The following HSP90AA1 variants were observed in gnomAD, a reference collection of about 807,000 sequenced individuals.
HSP90AA1 encodes the protein heat shock protein HSP 90-alpha.
A neutral mutation model predicts 73.3 loss-of-function variants in HSP90AA1; 18 were observed. That is an observed-to-expected ratio of 0.25 (90% CI 0.17 to 0.36). The LOEUF is 0.36. Among genes scored for constraint, HSP90AA1 ranks in the 10% least tolerant of loss-of-function variants. HSP90AA1 has a pLI of 1.00. For synonymous variants in HSP90AA1, 477 were observed against 296.9 expected, an observed-to-expected ratio of 1.61 and a Z score of -6.24; for missense variants, 704 against 874.2, an observed-to-expected ratio of 0.81 and a Z score of 2.45.
chr14:102,085,477 G>A, intron 3 of HSP90AA1, 46 bp from the exon 4 acceptor site: 1 of 1,535,718 alleles, frequency 6.5e-7, no homozygotes, highest in Non-Finnish European at 9.0e-7. Flanking sequence ...TCAATTTAGT[G>A]CTCAACGCCA....
chr14:102,132,423 T>G (rs1042112757), intron 1 of HSP90AA1, among the ~76,000 whole-genome samples: 1 of 152,262 alleles, frequency 6.6e-6, no homozygotes, highest in Non-Finnish European at 1.5e-5. Flanking sequence ...GGTACGTTCC[T>G]GTAGTCCCAG....
chr14:102,118,854 CTTTT>C (rs11298881), intron 1 of HSP90AA1, among the ~76,000 whole-genome samples: 9 of 107,114 alleles, frequency 8.4e-5, no homozygotes, highest in Admixed American at 2.0e-4. Context: ...CTTTTCCTTC[CTTTT>C]TTTTTTTTTT....
At chr14:102,139,581 G>A in exon 1 of HSP90AA1, 2 of 719,206 alleles carry the variant, frequency 2.8e-6, no homozygotes, top group Non-Finnish European at 4.5e-6. Flanking sequence ...GGTTCCCCCT[G>A]ACCGGCTTTC....
rs544933619 is a variant in HSP90AA1 at position 102,081,264 on chromosome 14, G to C, written c.*448C>G. ...GTTGCTTCAGTTTAACCTATTTCTA[G>C]AGGACTAGTACATGCAGAATTGTCA... On this transcript the variant is annotated 3_prime_UTR_variant, in exon 11 of 11. Transcript: ENST00000216281. 3.2e-4 allele frequency: 81 copies of C among 252,832 alleles called. 1 individual carries two copies. Among genetic ancestry groups the C allele is most frequent in the African/African-American group, 1.7e-3 (76 of 45,492 alleles). 15.7% of individuals were successfully genotyped at this position (252,832 alleles called of 1,614,324 possible).
Position 102,084,802 on chromosome 14 carries a change from T to C in HSP90AA1, c.860A>G (p.Gln287Arg), listed in dbSNP as rs573443558. ...GGGCTTTGTTTTGTTGAGCTCTTCT[T>C]GATCGATGTACTTTTCCTTAATCTT... Reference protein sequence around the residue: ...KKKIKEKYIDQEELNKTKPIW... With the variant: ...KKKIKEKYIDREELNKTKPIW... Residue 287 changes from glutamine (Q) to arginine (R), a missense_variant, in exon 5 of 11, where the codon CAA becomes CGA. Transcript: ENST00000216281. The C allele has an allele frequency of 5.6e-6, 9 of 1,613,878 alleles. No individual in the cohort carries two copies. The East Asian group carries it at 1.8e-4, about 32-fold the overall frequency.
intron 1 of HSP90AA1, among the ~76,000 whole-genome samples, chr14:102,131,432 C>T (rs537444119): frequency 6.6e-6 from 1 of 152,204 alleles, no homozygotes; most frequent in Non-Finnish European, 1.5e-5. Flanking sequence ...CCTTAGTGAC[C>T]TTCCTGTTCT....
Position 102,085,871 on chromosome 14 carries a change from T to A in HSP90AA1, c.416A>T (p.Tyr139Phe). 1 of 1,613,914 alleles carries A rather than the reference T, an allele frequency of 6.2e-7. No homozygotes were observed. Among genetic ancestry groups the A allele is most frequent in the Non-Finnish European group, 8.5e-7 (1 of 1,179,868 alleles). The change falls in exon 3 of 11, where the codon TAT becomes TTT. Residue 139 changes from tyrosine (Y) to phenylalanine (F), a missense_variant. Physicochemically the swap from Tyr to Phe is conservative, Grantham distance 22 (BLOSUM62 3). Transcript: ENST00000216281. ...TTTCTCAGCAACCAAATAAGCAGAA[T>A]AAAAACCAACACCGAACTGGCCAAT... Reference protein sequence around the residue: ...SMIGQFGVGFYSAYLVAEKVT... With the variant: ...SMIGQFGVGFFSAYLVAEKVT...
intron 1 of HSP90AA1, among the ~76,000 whole-genome samples, chr14:102,132,080 T>A (rs969323199): frequency 2.0e-5 from 3 of 152,034 alleles, no homozygotes; most frequent in African/African-American, 7.2e-5. Context: ...ATAAAAAATT[T>A]AAAAATGGCC....
chr14:102,126,808 G>A (rs771863515), intron 1 of HSP90AA1, among the ~76,000 whole-genome samples: 2 of 152,158 alleles, frequency 1.3e-5, no homozygotes, highest in African/African-American at 2.4e-5. Context: ...GACTACAGGC[G>A]TGAGCCACTG....
chr14:102,085,740 G>GA lies in HSP90AA1; in HGVS notation c.529+17dup. 6.2e-7 allele frequency: 1 copy of GA among 1,613,932 alleles called. No individual in the cohort carries two copies. The highest frequency in any genetic ancestry group is 8.5e-7 in the Non-Finnish European group (1 of 1,179,874). On this transcript the variant is annotated intron_variant, in intron 3 of 10. Transcript: ENST00000216281. ...CCCTTCCACCGCTCACTTAACCAGT[G>GA]AATGTTCAGGTGCCTACCTGTGTCT...
rs115991301 is a variant in HSP90AA1 at position 102,093,036 on chromosome 14, C to T, written c.367-6658G>A. On this transcript the variant is annotated intron_variant, in intron 2 of 11. Transcript: ENST00000334701. Reference sequence around the variant, plus strand: ...CTGGGGTTACGGGCGTGAACCACCGCGCCCAGCCAACAGCTGTTTTTAAAT... The same window carrying T: ...CTGGGGTTACGGGCGTGAACCACCGTGCCCAGCCAACAGCTGTTTTTAAAT... Among the ~76,000 whole-genome samples the T allele has an allele frequency of 9.8e-3, 1,483 of 152,086 alleles. 32 individuals carry two copies. Among genetic ancestry groups the T allele is most frequent in the African/African-American group, 0.034 (1,426 of 41,466 alleles).
At chr14:102,087,893 A>T (rs1053741397), upstream of HSP90AA1, among the ~76,000 whole-genome samples, 1 of 149,116 alleles carries the variant, frequency 6.7e-6, no homozygotes, top group South Asian at 2.1e-4. Context: ...TCTCCAAATT[A>T]AGTATCTAAC....
At chr14:102,132,299 G>A (rs973628027) in intron 1 of HSP90AA1, among the ~76,000 whole-genome samples, 1 of 152,058 alleles carries the variant, frequency 6.6e-6, no homozygotes, top group African/African-American at 2.4e-5. Context: ...CCCGGGTGGT[G>A]GAGGTTGCAG....
At chr14:102,115,371 G>A (rs2152622876) in intron 1 of HSP90AA1, among the ~76,000 whole-genome samples, 1 of 152,230 alleles carries the variant, frequency 6.6e-6, no homozygotes, top group African/African-American at 2.4e-5. Flanking sequence ...ACTTCTGCTA[G>A]GATGGGAGAA....
chr14:102,083,648 G>C lies in HSP90AA1; in HGVS notation c.1384C>G (p.Leu462Val), dbSNP rs767793138. 1.9e-6 allele frequency: 3 copies of C among 1,612,606 alleles called. No individual in the cohort carries two copies. Among genetic ancestry groups the C allele is most frequent in the Non-Finnish European group, 2.5e-6 (3 of 1,179,236 alleles). Residue 462 changes from leucine (L) to valine (V), a missense_variant, in exon 8 of 11, where the codon CTG becomes GTG. By Grantham distance (32) the Leu-to-Val change is conservative (BLOSUM62 1). Transcript: ENST00000216281. ...GAGGCAGATGTGTAGTACCTTAACAGCTCTGAAAGCTTCTTCCGATTTTGA... is the reference window on the plus strand; with the variant it reads ...GAGGCAGATGTGTAGTACCTTAACACCTCTGAAAGCTTCTTCCGATTTTGA... ...DSQNRKKLSE[L>V]LRYYTSASGD...
At chr14:102,132,612 T>A (rs1034529686) in intron 1 of HSP90AA1, among the ~76,000 whole-genome samples, 1 of 152,060 alleles carries the variant, frequency 6.6e-6, no homozygotes, top group African/African-American at 2.4e-5. Flanking sequence ...TTCCTACGCT[T>A]AAGTGTGCAT....
intron 1 of HSP90AA1, among the ~76,000 whole-genome samples, chr14:102,132,948 A>G (rs1301286304): frequency 1.3e-5 from 2 of 148,556 alleles, no homozygotes; most frequent in African/African-American, 5.0e-5. Context: ...CCACAGGGCC[A>G]GACTCTGTCT....
chr14:102,088,981 A>G (rs1025108952), upstream of HSP90AA1, among the ~76,000 whole-genome samples: 1 of 141,224 alleles, frequency 7.1e-6, no homozygotes, highest in Admixed American at 6.9e-5. Context: ...ATCTCTGCTC[A>G]CTGCAACCTG....
At chr14:102,120,295 G>C (rs1375949419) in intron 1 of HSP90AA1, among the ~76,000 whole-genome samples, 1 of 152,006 alleles carries the variant, frequency 6.6e-6, no homozygotes, top group African/African-American at 2.4e-5. Context: ...GGAGGATGAG[G>C]GTACAGTGAG....
Sources: gnomAD v4.1 joint callset for allele counts (sites outside exome capture counted in the v4.1 genomes callset) on GRCh38, gnomAD v4.1.1 for gene constraint, MANE v1.5 for transcripts, NCBI Gene and HGNC (gene_info 2026-07-23, HGNC 2026-07-21) for gene names.